The following POLE4 variants were observed in gnomAD, a reference collection of about 807,000 sequenced individuals.
The protein encoded by POLE4 is DNA polymerase epsilon 4, accessory subunit.
In POLE4, 15 loss-of-function variants were observed where a neutral mutation model predicts 15.6. The ratio of observed to expected loss-of-function variants is 0.96; its 90% confidence interval spans 0.64 to 1.48. POLE4 has a LOEUF of 1.48. Among genes scored for constraint, POLE4 ranks in the 40% most tolerant of loss-of-function variants. POLE4 has a pLI of 0.00. For missense variants in POLE4, 205 were observed against 151.9 expected, an observed-to-expected ratio of 1.35 and a Z score of -1.84; for synonymous variants, 83 against 63.2, an observed-to-expected ratio of 1.31 and a Z score of -1.49.
Position 74,969,415 on chromosome 2 carries a change from T to C in POLE4, c.347T>C (p.Leu116Ser). Residue 116 changes from leucine to serine, a missense_variant, in exon 4 of 4, where the codon TTA becomes TCA. Coordinates refer to ENST00000483063, the MANE Select transcript of POLE4 (RefSeq NM_019896.4). ...VDEFAFLEGT[L>S]D ...TTGCTCTTTGTATGTTTAGGTACTT[T>C]AGATTGATTGCCGAGCGGGGCAGTT... 1.9e-6 allele frequency: 3 copies of C among 1,613,846 alleles called. No homozygotes were observed. The highest frequency in any genetic ancestry group is 2.5e-6 in the Non-Finnish European group (3 of 1,179,748).
chr2:74,967,600 T>G (rs967748947), intron 3 of POLE4, among the ~76,000 whole-genome samples: 2 of 152,248 alleles, frequency 1.3e-5, no homozygotes, highest in African/African-American at 4.8e-5. Context: ...GTGCCGAATC[T>G]AACATCCATA....
rs904732503 is a variant in POLE4 at position 74,960,261 on chromosome 2, C to T, written c.340+115C>T. The T allele has an allele frequency of 4.5e-6, 4 of 881,660 alleles. No homozygotes were observed. The Admixed American group carries it at 7.5e-5, about 17-fold the overall frequency. The allele number at this position is 881,660 out of a possible 1,614,324, so 54.6% of individuals were successfully genotyped here. ...TTGTTTGTGTAGGGATAATTCTCCG[C>T]ACTTGCTATTAGGATAGAAAAAAGT... On this transcript the variant is annotated intron_variant, in intron 3 of 3. Transcript: ENST00000483063.
intron 3 of POLE4, among the ~76,000 whole-genome samples, chr2:74,968,811 A>C (rs1249072121): frequency 2.0e-5 from 3 of 151,884 alleles, no homozygotes; most frequent in Non-Finnish European, 4.4e-5. Context: ...TCTTTTAGGC[A>C]TATGGGCCTC....
intron 3 of POLE4, chr2:74,960,609 G>A: frequency 2.0e-6 from 1 of 493,898 alleles, no homozygotes; most frequent in Non-Finnish European, 4.1e-6. Flanking sequence ...ATTAACTTGT[G>A]TACTAACTAA....
chr2:74,960,284 A>C (rs891893621), intron 3 of POLE4, 138 bp downstream of exon 3: 2 of 755,154 alleles, frequency 2.6e-6, no homozygotes, highest in Non-Finnish European at 4.6e-6. Flanking sequence ...GATAGAAAAA[A>C]GTAACTTGCT....
chr2:74,964,901 G>C (rs1399547281), intron 3 of POLE4, among the ~76,000 whole-genome samples: 1 of 152,070 alleles, frequency 6.6e-6, no homozygotes, highest in Non-Finnish European at 1.5e-5. Context: ...AGTGGTAAGA[G>C]CAGGCATTTT....
At chr2:74,959,041 G>C (rs1175995135) in intron 1 of POLE4, 149 bp downstream of exon 1, 5 of 703,396 alleles carry the variant, frequency 7.1e-6, no homozygotes, top group Non-Finnish European at 9.4e-6. Flanking sequence ...AGGGGCCGGG[G>C]ACCTGTGCGA....
At chr2:74,960,687 T>G (rs757301922) in intron 3 of POLE4, 5 of 442,356 alleles carry the variant, frequency 1.1e-5, no homozygotes, top group African/African-American at 2.0e-5. Context: ...GAGCGATTTC[T>G]GCTACTTAAT....
intron 3 of POLE4, 62 bp from the exon 4 acceptor site, chr2:74,969,338 TTTGCCCAGC>T (rs1374642639): frequency 5.6e-6 from 8 of 1,429,758 alleles, no homozygotes; most frequent in Admixed American, 5.0e-5. Flanking sequence ...CTGCATTAAG[TTTGCCCAGC>T]TTGTTACACT....
Position 74,958,850 on chromosome 2 carries a change from G to A in POLE4, c.171G>A (p.Thr57=), listed in dbSNP as rs1420252163. 20 of 1,561,558 alleles carry A rather than the reference G, an allele frequency of 1.3e-5. No homozygotes were observed. The highest frequency in any genetic ancestry group is 1.7e-5 in the Non-Finnish European group (20 of 1,153,008). ...TGGTGAAGGCAGATCCCGACGTGAC[G>A]CTAGCGGGACAGGAAGCCATCTTCA... The part of the protein sequence containing the change: ...KALVKADPDV[T]LAGQEAIFIL... The change falls in exon 1 of 4, where the codon ACG becomes ACA. Residue 57 remains threonine, a synonymous_variant. Transcript: ENST00000483063.
At position 74,958,715 on chromosome 2, in the gene POLE4, C is replaced by T; in HGVS notation, c.36C>T (p.Pro12=). The change falls in exon 1 of 4, where the codon CCC becomes CCT. Residue 12 remains proline (P), a synonymous_variant. Coordinates refer to ENST00000483063, the MANE Select transcript of POLE4 (RefSeq NM_019896.4). ...CGGCGGCGGCAGGAAGCGGGACGCC[C>T]CGAGAGGAGGAGGGACCTGCTGGGG... The part of the protein sequence containing the change: ...AAAAAAGSGT[P]REEEGPAGEA... The T allele has an allele frequency of 6.7e-7, 1 of 1,494,682 alleles. No individual in the cohort carries two copies. 92.6% of individuals were successfully genotyped at this position (1,494,682 alleles called of 1,614,324 possible).
chr2:74,964,866 AATCTCTAGTAC>A (rs1161295645), intron 3 of POLE4, among the ~76,000 whole-genome samples: 1 of 152,056 alleles, frequency 6.6e-6, no homozygotes, highest in Non-Finnish European at 1.5e-5. Flanking sequence ...AACTGGCTAG[AATCTCTAGTAC>A]AGTGTTGCAT....
At chr2:74,964,571 T>C (rs563228715) in intron 3 of POLE4, among the ~76,000 whole-genome samples, 24 of 152,124 alleles carry the variant, frequency 1.6e-4, no homozygotes, top group African/African-American at 5.8e-4. Flanking sequence ...TTGATGATAT[T>C]GTTAATGGTA....
At chr2:74,960,739 T>G (rs1671204502) in intron 3 of POLE4, 1 of 389,262 alleles carries the variant, frequency 2.6e-6, no homozygotes, top group South Asian at 1.9e-5. Flanking sequence ...ACGTATGTAG[T>G]CATGTGCTGC....
intron 3 of POLE4, among the ~76,000 whole-genome samples, chr2:74,963,819 T>C (rs992233287): frequency 2.0e-5 from 3 of 152,224 alleles, no homozygotes; most frequent in Admixed American, 6.5e-5. Flanking sequence ...TATGAATCTT[T>C]TTTAGTATAT....
chr2:74,969,108 A>G (rs115078986), intron 3 of POLE4, among the ~76,000 whole-genome samples: 1,864 of 152,182 alleles, frequency 0.012, 28 homozygotes, highest in African/African-American at 0.038. Flanking sequence ...CATTTATTTT[A>G]TATTCTTTTC....
chr2:74,963,001 T>G (rs1671246782), intron 3 of POLE4, among the ~76,000 whole-genome samples: 1 of 152,240 alleles, frequency 6.6e-6, no homozygotes, highest in African/African-American at 2.4e-5. Context: ...TTTGTTCGTG[T>G]TCCTTGCTAT....
intron 3 of POLE4, among the ~76,000 whole-genome samples, chr2:74,966,269 C>T (rs926007046): frequency 6.6e-6 from 1 of 152,048 alleles, no homozygotes; most frequent in Non-Finnish European, 1.5e-5. Context: ...TCCTCGTCTC[C>T]TAATTTATGT....
Position 74,969,432 on chromosome 2 carries a change from G to A in POLE4, c.*10G>A, listed in dbSNP as rs752643813. 9 of 1,613,472 alleles carry A rather than the reference G, an allele frequency of 5.6e-6. No individual in the cohort carries two copies. In the Admixed American group the frequency reaches 8.3e-5, roughly 15 times the overall value. On this transcript the variant is annotated 3_prime_UTR_variant, in exon 4 of 4. Transcript: ENST00000483063. ...AGGTACTTTAGATTGATTGCCGAGC[G>A]GGGCAGTTTTGTGAGCCTTCATCTG... is the stretch of plus-strand genomic sequence containing the variant.
Sources: gnomAD v4.1 joint callset for allele counts (sites outside exome capture counted in the v4.1 genomes callset) on GRCh38, gnomAD v4.1.1 for gene constraint, MANE v1.5 for transcripts, NCBI Gene and HGNC (gene_info 2026-07-23, HGNC 2026-07-21) for gene names.